LAMA2: variants seen among roughly 807,000 people sequenced by gnomAD.
The protein encoded by LAMA2 is laminin subunit alpha 2.
In LAMA2, 269 loss-of-function variants were observed where a neutral mutation model predicts 364.8. The observed-to-expected ratio is 0.74, with a 90% CI of 0.67 to 0.82. The LOEUF is 0.82. Among genes scored for constraint, LAMA2 ranks in the 40% least tolerant of loss-of-function variants. The pLI, the probability that LAMA2 is intolerant of heterozygous loss-of-function variation, is 0.00. For synonymous variants in LAMA2, 1,379 were observed against 1,370.6 expected, an observed-to-expected ratio of 1.01 and a Z score of -0.14; for missense variants, 3,807 against 3,873.2, an observed-to-expected ratio of 0.98 and a Z score of 0.45.
Position 128,968,809 on chromosome 6 carries a change from C to T in LAMA2, c.113-81109C>T, listed in dbSNP as rs568155686. ...GCCAGGTAGGACCTTGTACTGTGTA[C>T]GTAGGACCTTGTACATGTAGGAGTC... On this transcript the variant is annotated intron_variant, in intron 1 of 64. Transcript: ENST00000421865. 2.1e-3 allele frequency among the ~76,000 whole-genome samples: 288 copies of T among 136,930 alleles called. 1 individual carries two copies. Among genetic ancestry groups the T allele is most frequent in the African/African-American group, 0.01 (275 of 27,278 alleles). The allele number at this position is 136,930 out of a possible 152,430, so 89.8% of individuals were successfully genotyped here.
At chr6:128,974,361 T>C (rs1302148384) in intron 1 of LAMA2, among the ~76,000 whole-genome samples, 1 of 152,168 alleles carries the variant, frequency 6.6e-6, no homozygotes, top group East Asian at 1.9e-4. Flanking sequence ...AAATCAATTA[T>C]TTAGGTAAAT....
chr6:129,507,009 A>C (rs567351438), intron 61 of LAMA2, among the ~76,000 whole-genome samples: 1 of 152,134 alleles, frequency 6.6e-6, no homozygotes, highest in Non-Finnish European at 1.5e-5. Flanking sequence ...GCATTTTCTT[A>C]GGGGAGGGTC....
intron 28 of LAMA2, among the ~76,000 whole-genome samples, chr6:129,323,268 A>G (rs900612202): frequency 6.6e-5 from 10 of 152,234 alleles, no homozygotes; most frequent in Non-Finnish European, 1.5e-4. Context: ...GGTCATGAAT[A>G]CACAAAGCAG....
At chr6:129,466,244 A>T (rs1026095696) in intron 51 of LAMA2, among the ~76,000 whole-genome samples, 1 of 151,952 alleles carries the variant, frequency 6.6e-6, no homozygotes, top group Non-Finnish European at 1.5e-5. Context: ...TAGAGGATAG[A>T]GAGCTAATTG....
At chr6:129,139,077 G>T (rs779483598) in intron 4 of LAMA2, among the ~76,000 whole-genome samples, 2 of 152,116 alleles carry the variant, frequency 1.3e-5, no homozygotes, top group African/African-American at 4.8e-5. Context: ...AAGGACGTTG[G>T]TGACTTTCCC....
At chr6:129,216,047 G>T (rs1255441313) in intron 12 of LAMA2, among the ~76,000 whole-genome samples, 1 of 152,210 alleles carries the variant, frequency 6.6e-6, no homozygotes, top group East Asian at 1.9e-4. Flanking sequence ...TACTGTGCAA[G>T]GCAAAAATGA....
intron 51 of LAMA2, among the ~76,000 whole-genome samples, chr6:129,468,677 C>A (rs1314573584): frequency 1.3e-5 from 2 of 151,828 alleles, no homozygotes; most frequent in Non-Finnish European, 2.9e-5. Flanking sequence ...GCAGTAAAAT[C>A]TAAATTTAAA....
intron 1 of LAMA2, among the ~76,000 whole-genome samples, chr6:128,930,892 T>C (rs1278524271): frequency 6.6e-6 from 1 of 152,208 alleles, no homozygotes; most frequent in Non-Finnish European, 1.5e-5. Flanking sequence ...TTTCCCTACG[T>C]GTACACACAC....
Position 129,297,840 on chromosome 6 carries a change from C to G in LAMA2, c.3012C>G (p.Phe1004Leu), listed in dbSNP as rs1773288866. 6.2e-7 allele frequency: 1 copy of G among 1,613,846 alleles called. No homozygotes were observed. The highest frequency in any genetic ancestry group is 8.5e-7 in the Non-Finnish European group (1 of 1,179,876). ...GTGACCGCTGTGCCCACGGCTATTT[C>G]AACTTCCAAGAAGGAGGCTGCACAG... ...KKCDRCAHGY[F>L]NFQEGGCTAC... Residue 1004 changes from phenylalanine to leucine, a missense_variant, in exon 21 of 65, where the codon TTC (phenylalanine) becomes TTG (leucine). Coordinates refer to ENST00000421865, the MANE Select transcript of LAMA2 (RefSeq NM_000426.4).
intron 37 of LAMA2, 85 bp downstream of exon 37, chr6:129,393,340 T>C: frequency 1.0e-6 from 1 of 990,796 alleles, no homozygotes; most frequent in Admixed American, 1.7e-5. Context: ...CTATTCAAGT[T>C]GATGCACATT....
intron 40 of LAMA2, among the ~76,000 whole-genome samples, chr6:129,411,619 C>G (rs577100864): frequency 4.3e-4 from 65 of 152,250 alleles, no homozygotes; most frequent in African/African-American, 1.5e-3. Context: ...GGTTAGGTGT[C>G]TAAGGAATAA....
In LAMA2 at chr6:128,899,281, G is replaced by A. The variant is rs571217463; in HGVS notation, c.112+15924G>A. Among the ~76,000 whole-genome samples, 7 of 152,256 alleles carry A rather than the reference G, an allele frequency of 4.6e-5. No homozygotes were observed. The East Asian group carries it at 1.4e-3, about 29-fold the overall frequency. On this transcript the variant is annotated intron_variant, in intron 1 of 64. Transcript: ENST00000421865. ...TTGGATTCCTGTATGTAGTGAATCT[G>A]TCCCGTTTATGATTTTCAGTTATAT...
At chr6:128,950,972 A>G (rs1203690771) in intron 1 of LAMA2, among the ~76,000 whole-genome samples, 1 of 152,196 alleles carries the variant, frequency 6.6e-6, no homozygotes, top group Non-Finnish European at 1.5e-5. Flanking sequence ...ATGTAAAAAT[A>G]TCATGTATTT....
At chr6:129,486,693 A>C in intron 56 of LAMA2, 71 bp downstream of exon 56, 1 of 1,385,472 alleles carries the variant, frequency 7.2e-7, no homozygotes, top group Non-Finnish European at 1.0e-6. Context: ...GGTATCTATC[A>C]GTATCTGCCT....
intron 1 of LAMA2, among the ~76,000 whole-genome samples, chr6:129,037,861 G>T (rs1357045092): frequency 6.6e-6 from 1 of 152,024 alleles, no homozygotes; most frequent in Non-Finnish European, 1.5e-5. Context: ...AGTAGAGACA[G>T]GGTTTCACCG....
chr6:129,365,002 G>C (rs985030759), intron 32 of LAMA2, among the ~76,000 whole-genome samples: 1 of 152,112 alleles, frequency 6.6e-6, no homozygotes, highest in Non-Finnish European at 1.5e-5. Flanking sequence ...ACATCACTAG[G>C]GCGGTGGTGC....
Position 129,074,163 on chromosome 6 carries a change from A to G in LAMA2, c.396+14267A>G, listed in dbSNP as rs368406526. On this transcript the variant is annotated intron_variant, in intron 3 of 64. Transcript: ENST00000421865. ...TCCTTCTTGGCTGACTCTTAACTCC[A>G]AAGTTTGTCTTCCCAACTCTGGGAG... 1.8e-3 allele frequency among the ~76,000 whole-genome samples: 279 copies of G among 152,308 alleles called. 11 individuals carry two copies. The South Asian group carries it at 0.055, about 30-fold the overall frequency.
chr6:129,046,713 A>G (rs1286473817), intron 1 of LAMA2, among the ~76,000 whole-genome samples: 1 of 152,202 alleles, frequency 6.6e-6, no homozygotes, highest in African/African-American at 2.4e-5. Context: ...TTATATGTTG[A>G]AACAATTACA....
rs977403170 is a variant in LAMA2 at position 129,280,138 on chromosome 6, G to A, written c.2528G>A (p.Arg843His). The change falls in exon 18 of 65, where the codon CGC (arginine) becomes CAC (histidine). Residue 843 changes from arginine to histidine, a missense_variant. By Grantham distance (29) the Arg-to-His change is conservative (BLOSUM62 0). Transcript: ENST00000421865. ...TGCCCTGTCGGGTACACAGGACCAC[G>A]CTGTGAGAGGTAAGAGTATACTACA... ...DGCPVGYTGP[R>H]CERCAEGYFG... The A allele has an allele frequency of 3.7e-6, 6 of 1,603,170 alleles. No homozygotes were observed. The highest frequency in any genetic ancestry group is 1.3e-5 in the African/African-American group (1 of 74,624).
Sources: allele counts gnomAD v4.1 joint callset (sites outside exome capture counted in the v4.1 genomes callset), GRCh38; gene constraint gnomAD v4.1.1; transcripts MANE v1.5; gene names NCBI Gene and HGNC (gene_info 2026-07-23, HGNC 2026-07-21).